Variants in BLM observed in about 807,000 individuals in gnomAD.
BLM encodes the protein recQ-like DNA helicase BLM.
A neutral mutation model predicts 135.3 loss-of-function variants in BLM; 95 were observed. That is an observed-to-expected ratio of 0.70 (90% CI 0.59 to 0.83). The LOEUF is 0.83. Among genes scored for constraint, BLM ranks in the 40% least tolerant of loss-of-function variants. BLM has a pLI of 0.00. For synonymous variants in BLM, 520 were observed against 589.2 expected (o/e 0.88, Z 1.70); for missense variants, 1,518 against 1,663.9 (o/e 0.91, Z 1.53).
chr15:90,799,285 C>T (rs575302051), intron 17 of BLM, among the ~76,000 whole-genome samples: 10 of 151,630 alleles, frequency 6.6e-5, no homozygotes, highest in Admixed American at 2.6e-4. Flanking sequence ...TCCTTAGTAT[C>T]GTCTTAAAGA....
rs1450556030 is a variant in BLM, at chr15:90,747,510, T to TC, written c.98+20_98+21insC. On this transcript the variant is annotated intron_variant, in intron 2 of 21. Transcript: ENST00000355112. The stretch of plus-strand genomic sequence containing the variant: ...ATTTTCGTAAGTGTTTTGACTGGTT[T>TC]GCTGTCACATAGGCACTAACTTACC... The TC allele has an allele frequency of 6.7e-7, 1 of 1,490,260 alleles. No homozygotes were observed. Among genetic ancestry groups the TC allele is most frequent in the South Asian group, 1.2e-5 (1 of 86,342 alleles). The allele number at this position is 1,490,260 out of a possible 1,614,324, so 92.3% of individuals were successfully genotyped here.
chr15:90,773,537 GT>G (rs1555421447), intron 12 of BLM, among the ~76,000 whole-genome samples: 9 of 55,398 alleles, frequency 1.6e-4, no homozygotes, highest in African/African-American at 5.7e-4. Context: ...TTTTTTTTTA[GT>G]TTATAAGGTT....
intron 16 of BLM, among the ~76,000 whole-genome samples, chr15:90,796,645 A>T (rs554098243): frequency 6.6e-6 from 1 of 152,306 alleles, no homozygotes; most frequent in South Asian, 2.1e-4. Context: ...AAGTATAAAG[A>T]TAATGATTGC....
At chr15:90,739,124 G>A (rs905621633) in intron 1 of BLM, among the ~76,000 whole-genome samples, 5 of 152,094 alleles carry the variant, frequency 3.3e-5, no homozygotes, top group South Asian at 4.1e-4. Flanking sequence ...GGCCAGGCGC[G>A]GTGGCTCACA....
rs1049658021 is a variant in BLM at position 90,760,164 on chromosome 15, C to G, written c.1105C>G (p.Gln369Glu). 6.2e-7 allele frequency: 1 copy of G among 1,609,902 alleles called. No homozygotes were observed. The highest frequency in any genetic ancestry group is 8.5e-7 in the Non-Finnish European group (1 of 1,176,548). The change falls in exon 6 of 22, where the codon CAG (glutamine) becomes GAG (glutamate). Residue 369 changes from glutamine (Q) to glutamate (E), a missense_variant. By Grantham distance (29) the Gln-to-Glu change is conservative (BLOSUM62 2). Coordinates refer to ENST00000355112, the MANE Select transcript of BLM (RefSeq NM_000057.4). ...TDCDARQISL[Q>E]QQLIHVMEHI... is the part of the protein sequence containing the mutation. ...TTTTATAGCTAGACAGATAAGTTTACAGCAGCAGCTTATTCATGTGATGGA... is the reference window on the plus strand; with the variant it reads ...TTTTATAGCTAGACAGATAAGTTTAGAGCAGCAGCTTATTCATGTGATGGA...
chr15:90,731,678 G>T (rs962879955), intron 1 of BLM, among the ~76,000 whole-genome samples: 6 of 152,032 alleles, frequency 3.9e-5, no homozygotes, highest in Admixed American at 2.0e-4. Context: ...ACAGCCTAAT[G>T]TTATCTTTTA....
intron 1 of BLM, among the ~76,000 whole-genome samples, chr15:90,741,363 T>G (rs1472678649): frequency 1.3e-5 from 2 of 152,216 alleles, no homozygotes; most frequent in African/African-American, 4.8e-5. Flanking sequence ...TATTTGGGTG[T>G]GGATTTCTTT....
At chr15:90,774,807 CAAAAAA>C (rs530219766) in intron 12 of BLM, among the ~76,000 whole-genome samples, 3 of 114,570 alleles carry the variant, frequency 2.6e-5, no homozygotes, top group East Asian at 5.5e-4. Flanking sequence ...ACACTCCAGC[CAAAAAA>C]AAAAAAAAAA....
intron 21 of BLM, among the ~76,000 whole-genome samples, chr15:90,814,291 C>T (rs201511882): frequency 3.3e-5 from 5 of 152,330 alleles, no homozygotes; most frequent in East Asian, 3.9e-4. Flanking sequence ...AAGGCTTCTG[C>T]GGGTAATGCT....
chr15:90,761,400 C>A, intron 7 of BLM, 145 bp downstream of exon 7: 1 of 669,280 alleles, frequency 1.5e-6, no homozygotes. Context: ...TTACAAATCA[C>A]AATTTCAAAA....
rs758366991 is a variant in BLM at position 90,754,794 on chromosome 15, AT to A, written c.960-9del. The A allele has an allele frequency of 2.1e-5, 34 of 1,610,490 alleles. No homozygotes were observed. The highest frequency in any genetic ancestry group is 5.0e-5 in the Admixed American group (3 of 59,816). On this transcript the variant is annotated splice_polypyrimidine_tract_variant and intron_variant, in intron 4 of 21. Coordinates refer to ENST00000355112, the MANE Select transcript of BLM (RefSeq NM_000057.4). ...TAGCCTATAGTATGATTGGCTTAAC[AT>A]TTTTTTTATTTGCAGTACGTTAAAG... is the stretch of plus-strand genomic sequence containing the variant.
intron 1 of BLM, among the ~76,000 whole-genome samples, chr15:90,736,960 A>G (rs1361131542): frequency 6.6e-6 from 1 of 152,246 alleles, no homozygotes; most frequent in Non-Finnish European, 1.5e-5. Context: ...TCTTTTATGT[A>G]GTTTTAACTT....
chr15:90,760,109 C>G (rs758949040), intron 5 of BLM, 38 bp from the exon 6 acceptor site: 1 of 1,573,550 alleles, frequency 6.4e-7, no homozygotes, highest in Non-Finnish European at 8.6e-7. Flanking sequence ...TTTTTTTTTC[C>G]CTCAAAGAAA....
intron 1 of BLM, among the ~76,000 whole-genome samples, chr15:90,733,006 T>C (rs539801826): frequency 2.0e-5 from 3 of 152,182 alleles, no homozygotes; most frequent in African/African-American, 4.8e-5. Flanking sequence ...GGCAGGAGAA[T>C]TGCTTGAACC....
rs753392296 is a variant in BLM, at chr15:90,763,193, T to C, written c.2074+36T>C. On this transcript the variant is annotated intron_variant, in intron 8 of 21. Coordinates refer to ENST00000355112, the MANE Select transcript of BLM (RefSeq NM_000057.4). Reference sequence around the variant, plus strand: ...TTAGAAGTGAATTGGCAGGAATCCATTGGCAGATGTTAAATGAAAGCTCTT... The same window carrying C: ...TTAGAAGTGAATTGGCAGGAATCCACTGGCAGATGTTAAATGAAAGCTCTT... The C allele has an allele frequency of 3.1e-6, 5 of 1,599,718 alleles. No individual in the cohort carries two copies. The Admixed American group carries it at 6.7e-5, about 21-fold the overall frequency.
chr15:90,790,807 C>G lies in BLM; in HGVS notation c.2982C>G (p.Thr994=), dbSNP rs2151184697. The G allele has an allele frequency of 1.2e-6, 2 of 1,614,126 alleles. No homozygotes were observed. Among genetic ancestry groups the G allele is most frequent in the South Asian group, 1.1e-5 (1 of 91,084 alleles). The change falls in exon 15 of 22, where the codon ACC becomes ACG. Residue 994 remains threonine, a synonymous_variant. Transcript: ENST00000355112. ...TATCTCACTGCCTGCTTTTCTATAC[C>G]TATCATGATGTGACCAGACTGAAAA... ...GEISHCLLFY[T]YHDVTRLKRL... is the part of the protein sequence containing the mutation.
intron 14 of BLM, among the ~76,000 whole-genome samples, chr15:90,789,889 G>A (rs1234646087): frequency 2.0e-5 from 3 of 150,144 alleles, no homozygotes; most frequent in African/African-American, 7.3e-5. Flanking sequence ...CAACTGAAAT[G>A]GATATCCTTG....
At chr15:90,762,896 G>T in intron 7 of BLM, 70 bp from the exon 8 acceptor site, 1 of 1,412,006 alleles carries the variant, frequency 7.1e-7, no homozygotes, top group East Asian at 2.3e-5. Context: ...TGCAGGGCAA[G>T]GGAAATGCTA....
intron 16 of BLM, 122 bp downstream of exon 16, chr15:90,794,479 C>T: frequency 1.4e-6 from 1 of 710,138 alleles, no homozygotes; most frequent in Non-Finnish European, 2.2e-6. Flanking sequence ...AAGACAGCTT[C>T]CTTCCAGTAG....
Sources: gnomAD v4.1 joint callset for allele counts (sites outside exome capture counted in the v4.1 genomes callset) on GRCh38, gnomAD v4.1.1 for gene constraint, MANE v1.5 for transcripts, NCBI Gene and HGNC (gene_info 2026-07-23, HGNC 2026-07-21) for gene names.